DGKB: variants seen among roughly 807,000 people sequenced by gnomAD.
The protein encoded by DGKB is 90 kDa diacylglycerol kinase.
A neutral mutation model predicts 114.3 loss-of-function variants in DGKB; 67 were observed. The observed-to-expected ratio is 0.59, with a 90% CI of 0.48 to 0.72. The LOEUF (loss-of-function observed/expected upper bound fraction) is 0.72. Ranked by LOEUF, DGKB falls within the 30% of genes least tolerant of loss-of-function variation. DGKB has a pLI of 0.00. For synonymous variants in DGKB, 398 were observed against 323.1 expected (o/e 1.23, Z -2.49); for missense variants, 907 against 975.2 (o/e 0.93, Z 0.93).
chr7:14,243,444 T>G (rs1793974627), intron 23 of DGKB, among the ~76,000 whole-genome samples: 1 of 152,232 alleles, frequency 6.6e-6, no homozygotes, highest in Non-Finnish European at 1.5e-5. Context: ...ATATAGATGC[T>G]AACATATTAG....
At chr7:14,565,441 A>C (rs141776143) in intron 20 of DGKB, among the ~76,000 whole-genome samples, 1 of 152,316 alleles carries the variant, frequency 6.6e-6, no homozygotes, top group Non-Finnish European at 1.5e-5. Context: ...AAAGCCATAT[A>C]GAAATAAATA....
chr7:14,324,410 G>A lies in DGKB; in HGVS notation c.2122+14105C>T, dbSNP rs550402180. Among the ~76,000 whole-genome samples the A allele has an allele frequency of 4.3e-4, 61 of 142,070 alleles. 2 individuals are homozygous for A. In the South Asian group the frequency reaches 0.013, roughly 29 times the overall value. The allele number at this position is 142,070 out of a possible 152,430, so 93.2% of individuals were successfully genotyped here. A position where few individuals can be genotyped will look rare whatever the true frequency, so the allele number is the denominator to read the frequency against. ...TGTACTGAGCCAAGATTGCACCACC[G>A]CACTCCAGCCTGGGTGACAGAGTGA... On this transcript the variant is annotated intron_variant, in intron 23 of 25. Transcript: ENST00000402815.
At chr7:14,503,241 T>C (rs1333311917) in intron 20 of DGKB, among the ~76,000 whole-genome samples, 1 of 152,172 alleles carries the variant, frequency 6.6e-6, no homozygotes, top group Non-Finnish European at 1.5e-5. Flanking sequence ...GCTTTAAGTT[T>C]GTAAGTTTTT....
rs1328630858 is a variant in DGKB, at chr7:14,342,924, C to T, written c.1926+2377G>A. ...CTGCCAATAAAACATGTATCTATTG[C>T]TGGAGGTTCTGTTTTTACTGAAGTA... On this transcript the variant is annotated intron_variant, in intron 22 of 25. Transcript: ENST00000402815. Among the ~76,000 whole-genome samples the T allele has an allele frequency of 2.6e-5, 4 of 151,772 alleles. No individual in the cohort carries two copies. The East Asian group carries it at 7.7e-4, about 29-fold the overall frequency.
Position 14,753,961 on chromosome 7 carries a change from G to C in DGKB, c.148-13C>G, listed in dbSNP as rs1834485937. On this transcript the variant is annotated splice_polypyrimidine_tract_variant and intron_variant, in intron 3 of 25. Coordinates refer to ENST00000402815, the MANE Select transcript of DGKB (RefSeq NM_001350709.2). ...GAATGTCTTGTTTCTGTGCATGCAAGGAAAGAAAGAATACATGTGTTAATG... is the reference window on the plus strand; with the variant it reads ...GAATGTCTTGTTTCTGTGCATGCAACGAAAGAAAGAATACATGTGTTAATG... 1.3e-6 allele frequency: 2 copies of C among 1,505,740 alleles called. No individual in the cohort carries two copies. The highest frequency in any genetic ancestry group is 1.4e-5 in the African/African-American group (1 of 72,480). The allele number at this position is 1,505,740 out of a possible 1,614,324, so 93.3% of individuals were successfully genotyped here. A position where few individuals can be genotyped will look rare whatever the true frequency, so the allele number is the denominator to read the frequency against.
intron 6 of DGKB, among the ~76,000 whole-genome samples, chr7:14,714,950 T>C (rs1827955444): frequency 6.6e-6 from 1 of 152,178 alleles, no homozygotes; most frequent in African/African-American, 2.4e-5. Context: ...CTAACATGCA[T>C]TTATGGGAAG....
intron 21 of DGKB, among the ~76,000 whole-genome samples, chr7:14,388,041 G>A (rs570570276): frequency 1.1e-4 from 17 of 151,368 alleles, no homozygotes; most frequent in East Asian, 3.9e-4. Context: ...CACTGCGCCC[G>A]GCTAATTTTT....
chr7:14,473,370 A>T (rs998561314), intron 21 of DGKB, among the ~76,000 whole-genome samples: 1 of 152,136 alleles, frequency 6.6e-6, no homozygotes, highest in Admixed American at 6.5e-5. Context: ...GCAGTAAAGA[A>T]CTGGGGTTTG....
intron 23 of DGKB, among the ~76,000 whole-genome samples, chr7:14,211,981 TATTTACTCTCATGTTTTGTGATA>T (rs1788006483): frequency 2.7e-5 from 1 of 36,954 alleles, no homozygotes; most frequent in Non-Finnish European, 6.3e-5. Flanking sequence ...TGTTTTGTGA[TATTTACTCTCATGTTTTGTGATA>T]TTTACTCTCA....
intron 20 of DGKB, among the ~76,000 whole-genome samples, chr7:14,521,852 C>A (rs1164393767): frequency 2.6e-5 from 4 of 152,022 alleles, no homozygotes; most frequent in Admixed American, 6.6e-5. Flanking sequence ...GAATATTGAA[C>A]TTTTTATGCA....
chr7:14,919,676 G>C (rs1253031792), intron 1 of DGKB, among the ~76,000 whole-genome samples: 4 of 152,190 alleles, frequency 2.6e-5, no homozygotes, highest in African/African-American at 9.7e-5. Context: ...TGGTGATAAA[G>C]GGAAATGAGC....
At chr7:14,278,822 C>A (rs773619789) in intron 23 of DGKB, among the ~76,000 whole-genome samples, 12 of 152,056 alleles carry the variant, frequency 7.9e-5, no homozygotes, top group Non-Finnish European at 1.5e-4. Flanking sequence ...ATAAATAACC[C>A]AATTAACAGT....
intron 2 of DGKB, among the ~76,000 whole-genome samples, chr7:14,772,217 G>T (rs1008473115): frequency 6.6e-6 from 1 of 152,100 alleles, no homozygotes; most frequent in Non-Finnish European, 1.5e-5. Context: ...AAGGGCCATG[G>T]TCATTCATAT....
intron 21 of DGKB, among the ~76,000 whole-genome samples, chr7:14,470,661 C>T (rs1541872): frequency 0.35 from 53,092 of 151,524 alleles, 9,913 homozygotes; most frequent in Admixed American, 0.47. Context: ...ACAAATATCT[C>T]CTATATTCTA....
At chr7:14,299,439 G>T (rs1417576597) in intron 23 of DGKB, among the ~76,000 whole-genome samples, 1 of 151,996 alleles carries the variant, frequency 6.6e-6, no homozygotes, top group East Asian at 1.9e-4. Flanking sequence ...CAAATGAATG[G>T]ATAGATAAAT....
intron 6 of DGKB, among the ~76,000 whole-genome samples, chr7:14,709,973 A>C (rs1449624946): frequency 6.6e-6 from 1 of 151,846 alleles, no homozygotes; most frequent in Non-Finnish European, 1.5e-5. Flanking sequence ...TAATTAAAAA[A>C]AAAAAAGAAA....
chr7:14,459,725 CA>C (rs1327342074), intron 21 of DGKB, among the ~76,000 whole-genome samples: 1 of 152,084 alleles, frequency 6.6e-6, no homozygotes, highest in Non-Finnish European at 1.5e-5. Context: ...GGCCAACATT[CA>C]AATTCAGGAA....
intron 20 of DGKB, among the ~76,000 whole-genome samples, chr7:14,556,294 T>A (rs746000739): frequency 6.6e-6 from 1 of 152,138 alleles, no homozygotes; most frequent in South Asian, 2.1e-4. Context: ...TAACTGGTAA[T>A]ATTAAAAAGG....
chr7:14,615,459 T>TA (rs1308534256), intron 15 of DGKB, among the ~76,000 whole-genome samples: 3 of 151,864 alleles, frequency 2.0e-5, no homozygotes, highest in Admixed American at 6.6e-5. Context: ...TTTTAAGTTA[T>TA]ATACTGTTAT....
Sources: allele counts gnomAD v4.1 joint callset (sites outside exome capture counted in the v4.1 genomes callset), GRCh38; gene constraint gnomAD v4.1.1; transcripts MANE v1.5; gene names NCBI Gene and HGNC (gene_info 2026-07-23, HGNC 2026-07-21).